Variants in SOS2 observed in about 807,000 individuals in gnomAD.
The protein encoded by SOS2 is SOS Ras/Rho guanine nucleotide exchange factor 2, also known as son of sevenless homolog 2.
In SOS2, 65 loss-of-function variants were observed where a neutral mutation model predicts 148.2. That is an observed-to-expected ratio of 0.44 (90% CI 0.36 to 0.54). The LOEUF (loss-of-function observed/expected upper bound fraction) is 0.54. Ranked by LOEUF, SOS2 falls within the 20% of genes least tolerant of loss-of-function variation. The pLI is 0.00. For missense variants in SOS2, 1,341 were observed against 1,590.2 expected (o/e 0.84, Z 2.67); for synonymous variants, 539 against 537.1 (o/e 1.00, Z -0.05).
rs141123466 is a variant in SOS2, at chr14:50,208,170, G to A, written c.88-3761C>T. Among the ~76,000 whole-genome samples, 1,408 of 152,160 alleles carry A rather than the reference G, an allele frequency of 9.3e-3. 10 individuals are homozygous for A. Among genetic ancestry groups the A allele is most frequent in the Non-Finnish European group, 0.015 (1,041 of 68,000 alleles). Reference sequence around the variant, plus strand: ...AAATTAGCCACGCATGGTAGAAGGCGCGTGTAGTCCCAGATACTTGGGAGG... The same window carrying A: ...AAATTAGCCACGCATGGTAGAAGGCACGTGTAGTCCCAGATACTTGGGAGG... On this transcript the variant is annotated intron_variant, in intron 1 of 22. Transcript: ENST00000216373.
intron 1 of SOS2, 192 bp downstream of exon 1, chr14:50,231,005 G>T: frequency 1.3e-6 from 1 of 751,816 alleles, no homozygotes; most frequent in Non-Finnish European, 1.8e-6. Flanking sequence ...TTCCTTCCGG[G>T]ACCAGGCAAA....
chr14:50,122,617 G>A (rs1883553785), intron 21 of SOS2, among the ~76,000 whole-genome samples: 1 of 151,944 alleles, frequency 6.6e-6, no homozygotes, highest in South Asian at 2.1e-4. Flanking sequence ...GTGAATGATG[G>A]GAAAGCTATG....
At position 50,230,278 on chromosome 14, in the gene SOS2, T is replaced by G. The variant is rs201879688; in HGVS notation, c.87+919A>C. Among the ~76,000 whole-genome samples the G allele has an allele frequency of 2.6e-5, 4 of 152,208 alleles. No homozygotes were observed. The East Asian group carries it at 7.7e-4, about 29-fold the overall frequency. The stretch of plus-strand genomic sequence containing the variant: ...TATTTTAGAATGTATTCTTGGTTAT[T>G]TTGCACAAAAGGCAGAAGAGACTAA... On this transcript the variant is annotated intron_variant, in intron 1 of 22. Coordinates refer to ENST00000216373, the MANE Select transcript of SOS2 (RefSeq NM_006939.4).
At chr14:50,209,212 G>C (rs1886777564) in intron 1 of SOS2, among the ~76,000 whole-genome samples, 1 of 151,286 alleles carries the variant, frequency 6.6e-6, no homozygotes, top group African/African-American at 2.4e-5. Flanking sequence ...TCTGCAGCTT[G>C]ACAAATGCAG....
intron 1 of SOS2, among the ~76,000 whole-genome samples, chr14:50,215,901 A>G (rs1319386386): frequency 6.6e-6 from 1 of 152,178 alleles, no homozygotes; most frequent in African/African-American, 2.4e-5. Flanking sequence ...AAATCTTGCT[A>G]ATGCACTTGT....
chr14:50,218,383 C>T (rs943532421), intron 1 of SOS2, among the ~76,000 whole-genome samples: 3 of 151,566 alleles, frequency 2.0e-5, no homozygotes, highest in Non-Finnish European at 2.9e-5. Context: ...ATTAGCAGGG[C>T]ATGATGGTGG....
intron 2 of SOS2, among the ~76,000 whole-genome samples, chr14:50,201,956 T>C (rs1366419847): frequency 6.6e-6 from 1 of 152,188 alleles, no homozygotes; most frequent in African/African-American, 2.4e-5. Context: ...TTTTTTGTTT[T>C]TGGAGACAGG....
At chr14:50,166,881 G>A (rs924403054) in intron 8 of SOS2, among the ~76,000 whole-genome samples, 1 of 152,088 alleles carries the variant, frequency 6.6e-6, no homozygotes, top group Admixed American at 6.6e-5. Context: ...TAAGAGTGGA[G>A]TTGGTAATTT....
intron 1 of SOS2, among the ~76,000 whole-genome samples, chr14:50,219,839 G>C (rs571388407): frequency 1.3e-4 from 20 of 152,098 alleles, no homozygotes; most frequent in Non-Finnish European, 1.5e-5. Flanking sequence ...ACCATTTCTC[G>C]TTTGTTTTTT....
At chr14:50,135,768 A>G (rs2139537111) in intron 18 of SOS2, among the ~76,000 whole-genome samples, 1 of 149,676 alleles carries the variant, frequency 6.7e-6, no homozygotes, top group South Asian at 2.1e-4. Flanking sequence ...TTAACTCTAT[A>G]GTATTTCATC....
At chr14:50,123,644 A>G (rs979465000) in intron 21 of SOS2, among the ~76,000 whole-genome samples, 19 of 151,712 alleles carry the variant, frequency 1.3e-4, no homozygotes, top group African/African-American at 4.6e-4. Context: ...TGGCCTCCCA[A>G]AGTGCTGGGA....
At chr14:50,178,523 T>C (rs1314978088) in intron 7 of SOS2, among the ~76,000 whole-genome samples, 3 of 151,514 alleles carry the variant, frequency 2.0e-5, no homozygotes, top group Non-Finnish European at 2.9e-5. Context: ...GAGTGCAGTG[T>C]TGCAATCTCG....
chr14:50,166,062 T>C (rs1440063660), intron 8 of SOS2, among the ~76,000 whole-genome samples: 1 of 152,172 alleles, frequency 6.6e-6, no homozygotes, highest in Non-Finnish European at 1.5e-5. Context: ...GACCACTGAG[T>C]TGAAAGGGAT....
At chr14:50,209,049 G>T (rs1886770098) in intron 1 of SOS2, among the ~76,000 whole-genome samples, 1 of 152,176 alleles carries the variant, frequency 6.6e-6, no homozygotes, top group South Asian at 2.1e-4. Context: ...AAAAGGCTGA[G>T]AAAGAATTCT....
At chr14:50,194,089 A>C (rs1345498788) in intron 4 of SOS2, among the ~76,000 whole-genome samples, 1 of 152,194 alleles carries the variant, frequency 6.6e-6, no homozygotes, top group South Asian at 2.1e-4. Flanking sequence ...CTCTTGTGAC[A>C]AATAGGGGAT....
chr14:50,222,006 G>A (rs902408630), intron 1 of SOS2, among the ~76,000 whole-genome samples: 8 of 152,040 alleles, frequency 5.3e-5, no homozygotes, highest in South Asian at 2.1e-4. Flanking sequence ...TTATGCAGGG[G>A]AAATATAATG....
At chr14:50,229,563 G>A (rs1394387602) in intron 1 of SOS2, among the ~76,000 whole-genome samples, 3 of 150,978 alleles carry the variant, frequency 2.0e-5, no homozygotes, top group Admixed American at 1.3e-4. Context: ...AATCCCAACA[G>A]TTTGGAAGGC....
intron 8 of SOS2, among the ~76,000 whole-genome samples, chr14:50,169,633 G>A (rs1270561919): frequency 3.3e-5 from 5 of 152,050 alleles, no homozygotes; most frequent in Non-Finnish European, 5.9e-5. Flanking sequence ...GAGTGAGACC[G>A]TGCCTCAAAA....
chr14:50,180,152 C>T (rs1885683370), intron 7 of SOS2, among the ~76,000 whole-genome samples: 1 of 151,360 alleles, frequency 6.6e-6, no homozygotes, highest in Admixed American at 6.6e-5. Context: ...TACAGGAGCT[C>T]ACCACCACGC....
Sources: gnomAD v4.1 joint callset for allele counts (sites outside exome capture counted in the v4.1 genomes callset) on GRCh38, gnomAD v4.1.1 for gene constraint, MANE v1.5 for transcripts, NCBI Gene and HGNC (gene_info 2026-07-23, HGNC 2026-07-21) for gene names.